LRRC37A2: variants seen among roughly 807,000 people sequenced by gnomAD.
LRRC37A2 encodes the protein leucine-rich repeat-containing protein 37A2.
A neutral mutation model predicts 68.8 loss-of-function variants in LRRC37A2; 9 were observed. That is an observed-to-expected ratio of 0.13 (90% CI 0.08 to 0.23). The LOEUF (loss-of-function observed/expected upper bound fraction) is 0.23. Ranked by LOEUF, LRRC37A2 falls within the 10% of genes least tolerant of loss-of-function variation. The pLI, the probability that LRRC37A2 is intolerant of heterozygous loss-of-function variation, is 1.00. For synonymous variants in LRRC37A2, 63 were observed against 367.6 expected, an observed-to-expected ratio of 0.17 and a Z score of 9.48; for missense variants, 168 against 950.4, an observed-to-expected ratio of 0.18 and a Z score of 10.82.
Position 46,532,224 on chromosome 17 carries a change from A to G in LRRC37A2, c.2907-7952A>G, listed in dbSNP as rs943339120. On this transcript the variant is annotated intron_variant, in intron 6 of 14. Coordinates refer to ENST00000576629, the Ensembl canonical transcript of LRRC37A2. ...AATAAATGAAAACTTTTTCACTCAAAAAAACAACAATTGTAGTGAAACCAT... is the reference window on the plus strand; with the variant it reads ...AATAAATGAAAACTTTTTCACTCAAGAAAACAACAATTGTAGTGAAACCAT... Among the ~76,000 whole-genome samples, 14 of 148,806 alleles carry G rather than the reference A, an allele frequency of 9.4e-5. 2 individuals carry two copies. Among genetic ancestry groups the G allele is most frequent in the African/African-American group, 3.3e-4 (13 of 38,996 alleles).
At chr17:47,019,474 C>T in the LRRC37A2 span, 12 of 1,593,224 alleles carry the variant, frequency 7.5e-6, no homozygotes, top group Non-Finnish European at 6.9e-6. Flanking sequence ...GAGCCCACTA[C>T]AGAGATTGGA....
the LRRC37A2 span, among the ~76,000 whole-genome samples, chr17:47,000,024 A>AAAT: frequency 2.2e-4 from 3 of 13,946 alleles, 1 homozygote; most frequent in Admixed American, 3.0e-3. Flanking sequence ...AAAATAAAAT[A>AAAT]AAATAAAATA....
chr17:46,500,982 C>G, the LRRC37A2 span, among the ~76,000 whole-genome samples: 1 of 151,094 alleles, frequency 6.6e-6, no homozygotes, highest in Non-Finnish European at 1.5e-5. Context: ...GAGTTTGAGA[C>G]CAGCCTGGCT....
the LRRC37A2 span, chr17:46,965,061 C>T: frequency 2.6e-5 from 4 of 152,166 alleles, no homozygotes; most frequent in African/African-American, 7.2e-5. Context: ...TGTGATGGCC[C>T]AGACATGTAT....
the LRRC37A2 span, among the ~76,000 whole-genome samples, chr17:46,609,841 T>G: frequency 7.0e-6 from 1 of 141,888 alleles, no homozygotes; most frequent in African/African-American, 2.6e-5. Flanking sequence ...TTTTTTTTTT[T>G]TTGAGATAGG....
chr17:46,779,103 A>AC, the LRRC37A2 span, among the ~76,000 whole-genome samples: 2,279 of 133,632 alleles, frequency 0.017, 99 homozygotes, highest in African/African-American at 0.059. Flanking sequence ...ACACACACAC[A>AC]CCCCAGCCCA....
At chr17:46,928,029 G>A in the LRRC37A2 span, among the ~76,000 whole-genome samples, 1 of 152,076 alleles carries the variant, frequency 6.6e-6, no homozygotes, top group Non-Finnish European at 1.5e-5. Context: ...CCCTGCTTCA[G>A]GTGTCGGCTA....
At chr17:46,852,256 G>A in the LRRC37A2 span, among the ~76,000 whole-genome samples, 1 of 150,054 alleles carries the variant, frequency 6.7e-6, no homozygotes, top group African/African-American at 2.4e-5. Context: ...CAGGGAGAAT[G>A]GGGGAAACCT....
the LRRC37A2 span, among the ~76,000 whole-genome samples, chr17:47,028,580 A>G: frequency 6.5e-4 from 99 of 152,262 alleles, 1 homozygote; most frequent in Non-Finnish European, 1.2e-3. Context: ...GACCTATAGC[A>G]TGGGCAAGAA....
chr17:46,542,834 C>T (rs2055634945), intron 8 of LRRC37A2, among the ~76,000 whole-genome samples: 1 of 150,606 alleles, frequency 6.6e-6, no homozygotes, highest in African/African-American at 2.5e-5. Flanking sequence ...TAAATAGAGA[C>T]TCAGTTATGC....
At chr17:47,018,724 C>A in the LRRC37A2 span, 5 of 1,520,762 alleles carry the variant, frequency 3.3e-6, no homozygotes, top group Non-Finnish European at 4.6e-6. Flanking sequence ...GAGGGTGAAT[C>A]TTCCCTAACC....
the LRRC37A2 span, among the ~76,000 whole-genome samples, chr17:46,786,909 G>A: frequency 2.0e-5 from 3 of 151,478 alleles, no homozygotes; most frequent in Admixed American, 2.0e-4. Flanking sequence ...AAAGATAGAT[G>A]TTCAGTAAAG....
At chr17:46,749,560 G>A in the LRRC37A2 span, among the ~76,000 whole-genome samples, 5 of 152,144 alleles carry the variant, frequency 3.3e-5, no homozygotes, top group Admixed American at 2.6e-4. Context: ...GAATGAGAAG[G>A]AGCTGTTCAC....
At chr17:47,044,942 G>A in the LRRC37A2 span, among the ~76,000 whole-genome samples, 2 of 150,384 alleles carry the variant, frequency 1.3e-5, no homozygotes, top group African/African-American at 2.4e-5. Context: ...AGCACAGGAG[G>A]CAGAGGCTGC....
At chr17:46,779,474 G>A in the LRRC37A2 span, among the ~76,000 whole-genome samples, 13 of 152,238 alleles carry the variant, frequency 8.5e-5, no homozygotes, top group Admixed American at 5.2e-4. Flanking sequence ...TCCTGAAGCC[G>A]GCTCATCCTC....
At chr17:46,847,467 A>T in the LRRC37A2 span, among the ~76,000 whole-genome samples, 1 of 152,224 alleles carries the variant, frequency 6.6e-6, no homozygotes, top group Non-Finnish European at 1.5e-5. Context: ...ATACAGTTCA[A>T]GTATGTGGGG....
chr17:46,788,493 G>A, the LRRC37A2 span, among the ~76,000 whole-genome samples: 2 of 152,102 alleles, frequency 1.3e-5, no homozygotes, highest in African/African-American at 4.8e-5. Flanking sequence ...CCTCTTGTTC[G>A]CTTCTGACTC....
At chr17:46,930,972 AT>A in the LRRC37A2 span, 1 of 687,030 alleles carries the variant, frequency 1.5e-6, no homozygotes, top group Non-Finnish European at 2.6e-6. Context: ...TAGTGTATAC[AT>A]TTTTCTCCTT....
chr17:46,912,508 C>A, the LRRC37A2 span, among the ~76,000 whole-genome samples: 1 of 152,208 alleles, frequency 6.6e-6, no homozygotes. Flanking sequence ...TTGCTCCTGG[C>A]TGTTATGGCT....
Sources: gnomAD v4.1 joint callset for allele counts (sites outside exome capture counted in the v4.1 genomes callset) on GRCh38, gnomAD v4.1.1 for gene constraint, MANE v1.5 for transcripts, NCBI Gene and HGNC (gene_info 2026-07-23, HGNC 2026-07-21) for gene names.